Variants in GLT1D1 observed in about 807,000 individuals in gnomAD.
The protein encoded by GLT1D1 is glycosyltransferase 1 domain containing 1.
A neutral mutation model predicts 28.7 loss-of-function variants in GLT1D1; 21 were observed. The ratio of observed to expected loss-of-function variants is 0.73; its 90% CI spans 0.52 to 1.05. The LOEUF (loss-of-function observed/expected upper bound fraction) is 1.05. Ranked by LOEUF, GLT1D1 falls within the 50% of genes least tolerant of loss-of-function variation. GLT1D1 has a pLI of 0.00. For missense variants in GLT1D1, 343 were observed against 330.6 expected (o/e 1.04, Z -0.29); for synonymous variants, 147 against 124.8 (o/e 1.18, Z -1.19).
At chr12:128,898,455 G>C (rs558814953) in intron 3 of GLT1D1, among the ~76,000 whole-genome samples, 1 of 152,316 alleles carries the variant, frequency 6.6e-6, no homozygotes, top group Admixed American at 6.5e-5. Context: ...GGGATTACAA[G>C]TGTGAGCCAC....
chr12:128,908,360 C>T (rs867087460), intron 4 of GLT1D1, among the ~76,000 whole-genome samples: 1,338 of 23,792 alleles, frequency 0.056, 23 homozygotes, highest in African/African-American at 0.068. Flanking sequence ...TTCTTTCTTT[C>T]TTTTCTTTCT....
At chr12:128,963,386 C>T (rs962766471) in intron 7 of GLT1D1, among the ~76,000 whole-genome samples, 11 of 152,152 alleles carry the variant, frequency 7.2e-5, no homozygotes, top group African/African-American at 2.7e-4. Context: ...GTGGCTCACA[C>T]CTGTTATCCC....
At chr12:128,916,637 C>T (rs560855937) in intron 4 of GLT1D1, among the ~76,000 whole-genome samples, 48 of 152,238 alleles carry the variant, frequency 3.2e-4, no homozygotes, top group African/African-American at 1.1e-3. Flanking sequence ...TTTATGTGCG[C>T]GTTGGCCATT....
At chr12:128,911,962 C>T (rs1308754526) in intron 4 of GLT1D1, among the ~76,000 whole-genome samples, 2 of 152,054 alleles carry the variant, frequency 1.3e-5, no homozygotes, top group African/African-American at 2.4e-5. Flanking sequence ...TCCTTCTCCT[C>T]CTGCTCCTTT....
intron 4 of GLT1D1, 32 bp from the exon 5 acceptor site, chr12:128,912,391 AC>A: frequency 6.8e-7 from 1 of 1,463,308 alleles, no homozygotes; most frequent in African/African-American, 1.4e-5. Context: ...TGTCCAATGT[AC>A]TTTTCTTTTC....
chr12:128,865,320 A>G (rs1481696961), intron 1 of GLT1D1, among the ~76,000 whole-genome samples: 1 of 152,196 alleles, frequency 6.6e-6, no homozygotes, highest in Admixed American at 6.5e-5. Context: ...TAAAATTTAC[A>G]TTGTTACTTT....
intron 7 of GLT1D1, among the ~76,000 whole-genome samples, chr12:128,964,087 C>G (rs1317044284): frequency 1.3e-5 from 2 of 152,264 alleles, no homozygotes; most frequent in Non-Finnish European, 1.5e-5. Flanking sequence ...TCTGGGGTCC[C>G]TTTTATAAGG....
chr12:128,905,197 A>G (rs1162202617), intron 4 of GLT1D1, among the ~76,000 whole-genome samples: 1 of 152,224 alleles, frequency 6.6e-6, no homozygotes, highest in African/African-American at 2.4e-5. Context: ...ACTATATGTC[A>G]TCAATATGAA....
intron 7 of GLT1D1, among the ~76,000 whole-genome samples, chr12:128,960,970 C>T (rs1031638644): frequency 1.3e-5 from 2 of 152,044 alleles, no homozygotes; most frequent in South Asian, 2.1e-4. Context: ...TAAAGAAACC[C>T]GATATAAAAA....
intron 4 of GLT1D1, among the ~76,000 whole-genome samples, chr12:128,943,713 C>T (rs1465751213): frequency 6.6e-6 from 1 of 152,152 alleles, no homozygotes; most frequent in Non-Finnish European, 1.5e-5. Flanking sequence ...AAAATAAATA[C>T]AGCATATATG....
At chr12:128,959,449 AACGGCG>A (rs1565914046) in intron 7 of GLT1D1, among the ~76,000 whole-genome samples, 8 of 28,714 alleles carry the variant, frequency 2.8e-4, no homozygotes, top group East Asian at 1.4e-3. Context: ...CGGGGTGGGG[AACGGCG>A]GGTGGTGGGG....
At chr12:128,982,761 G>T (rs1880462331) in intron 7 of GLT1D1, among the ~76,000 whole-genome samples, 168 bp from the exon 12 acceptor site, 1 of 152,018 alleles carries the variant, frequency 6.6e-6, no homozygotes, top group Non-Finnish European at 1.5e-5. Flanking sequence ...TTCCTACTCA[G>T]TCTCAGTGTT....
chr12:128,937,944 G>C (rs904527795), intron 4 of GLT1D1, among the ~76,000 whole-genome samples: 3 of 152,180 alleles, frequency 2.0e-5, no homozygotes, highest in African/African-American at 7.2e-5. Flanking sequence ...AACAGTGCGA[G>C]AACAGACGAA....
At chr12:128,887,934 G>C (rs139386435) in intron 2 of GLT1D1, among the ~76,000 whole-genome samples, 1 of 151,968 alleles carries the variant, frequency 6.6e-6, no homozygotes, top group Non-Finnish European at 1.5e-5. Context: ...ACATCATTCA[G>C]CCTGAGATGG....
At chr12:128,959,332 T>C (rs1451806263) in intron 7 of GLT1D1, among the ~76,000 whole-genome samples, 1 of 149,790 alleles carries the variant, frequency 6.7e-6, no homozygotes, top group African/African-American at 2.5e-5. Context: ...TGACGTGTCA[T>C]GCTTTTCACT....
At chr12:128,974,607 T>C (rs951029156) in intron 7 of GLT1D1, among the ~76,000 whole-genome samples, 2 of 152,196 alleles carry the variant, frequency 1.3e-5, no homozygotes, top group African/African-American at 4.8e-5. Context: ...GTGCCAAAAC[T>C]CCTGTCTGAA....
chr12:128,948,203 C>T (rs1876325618), intron 6 of GLT1D1, among the ~76,000 whole-genome samples: 2 of 152,150 alleles, frequency 1.3e-5, no homozygotes, highest in South Asian at 2.1e-4. Context: ...CTCTTCTCCT[C>T]CTTGAGAGGT....
In GLT1D1 at chr12:128,982,959, A is replaced by G; in HGVS notation, c.670A>G (p.Ser224Gly). ...TGTTCATCTGGCAAAGAGACTGGTTAGTGATCCTGCATTAGAAAAGGAAAT... is the reference window on the plus strand; with the variant it reads ...TGTTCATCTGGCAAAGAGACTGGTTGGTGATCCTGCATTAGAAAAGGAAAT... Residue 224 changes from serine (S) to glycine (G), a missense_variant, in exon 8 of 8, where the codon AGT (serine) becomes GGT (glycine). By Grantham distance (56) the Ser-to-Gly change is moderately conservative. Coordinates refer to ENST00000281703, the MANE Select transcript of GLT1D1 (RefSeq NM_144669.3). The G allele has an allele frequency of 6.2e-7, 1 of 1,614,092 alleles. No homozygotes were observed. The highest frequency in any genetic ancestry group is 8.5e-7 in the Non-Finnish European group (1 of 1,179,918).
At chr12:128,982,218 A>C (rs1880383557) in intron 7 of GLT1D1, among the ~76,000 whole-genome samples, 1 of 152,090 alleles carries the variant, frequency 6.6e-6, no homozygotes. Flanking sequence ...TCCCTTCTTC[A>C]TGCTGGGAGC....
Sources: gnomAD v4.1 joint callset for allele counts (sites outside exome capture counted in the v4.1 genomes callset) on GRCh38, gnomAD v4.1.1 for gene constraint, MANE v1.5 for transcripts, NCBI Gene and HGNC (gene_info 2026-07-23, HGNC 2026-07-21) for gene names.